Variants in ANO3 observed in about 807,000 individuals in gnomAD.
ANO3 encodes anoctamin 3.
A neutral mutation model predicts 144.8 loss-of-function variants in ANO3; 99 were observed. That is an observed-to-expected ratio of 0.68 (90% confidence interval 0.58 to 0.81). ANO3 has a LOEUF of 0.81. ANO3 is among the 30% of genes least tolerant of loss of function. The pLI is 0.00. For synonymous variants in ANO3, 414 were observed against 392.6 expected (o/e 1.05, Z -0.64); for missense variants, 905 against 1,202.2 (o/e 0.75, Z 3.66).
rs1860007137 is a variant in ANO3 at position 26,476,940 on chromosome 11, A to T, written c.432+13792A>T. ...GTGTGTGTGTGTGTGTGTGAGAGAGAGAGAGAGAGAGACTTTTAATACTGC... is the reference window on the plus strand; with the variant it reads ...GTGTGTGTGTGTGTGTGTGAGAGAGTGAGAGAGAGAGACTTTTAATACTGC... On this transcript the variant is annotated intron_variant, in intron 4 of 26. Transcript: ENST00000256737. Among the ~76,000 whole-genome samples, 7 of 151,236 alleles carry T rather than the reference A, an allele frequency of 4.6e-5. No individual in the cohort carries two copies. The South Asian group carries it at 1.3e-3, about 27-fold the overall frequency.
intron 17 of ANO3, among the ~76,000 whole-genome samples, chr11:26,603,409 A>G (rs1205561820): frequency 6.6e-6 from 1 of 152,020 alleles, no homozygotes; most frequent in Non-Finnish European, 1.5e-5. Context: ...TTAATTTCCA[A>G]TATTCTATTT....
intron 1 of ANO3, among the ~76,000 whole-genome samples, chr11:26,393,247 A>G (rs1018671418): frequency 1.3e-5 from 2 of 152,052 alleles, no homozygotes; most frequent in African/African-American, 4.8e-5. Flanking sequence ...CTTATACCCT[A>G]TACAGTCCTC....
chr11:26,496,108 T>C (rs1471817137), intron 4 of ANO3, among the ~76,000 whole-genome samples: 1 of 152,200 alleles, frequency 6.6e-6, no homozygotes, highest in Non-Finnish European at 1.5e-5. Context: ...TTTTTCCCAT[T>C]CTGTTTTGAC....
At chr11:26,401,429 C>T (rs112083238) in intron 1 of ANO3, among the ~76,000 whole-genome samples, 27 of 152,104 alleles carry the variant, frequency 1.8e-4, no homozygotes, top group South Asian at 1.7e-3. Context: ...AGTTTAAAAT[C>T]GGGGATCTAA....
chr11:26,573,927 GA>G (rs1850920789), intron 14 of ANO3, among the ~76,000 whole-genome samples: 1 of 152,140 alleles, frequency 6.6e-6, no homozygotes, highest in Non-Finnish European at 1.5e-5. Context: ...TTTACTCATG[GA>G]GTTGGAGTTA....
Position 26,394,420 on chromosome 11 carries a change from G to A in ANO3, c.47-47498G>A, listed in dbSNP as rs73443896. On this transcript the variant is annotated intron_variant, in intron 1 of 26. Transcript: ENST00000256737. ...CAGAAAATCCACAAAACTCTAATGC[G>A]GCTAGGATGCTATTAATGATAACTT... is the stretch of plus-strand genomic sequence containing the variant. Among the ~76,000 whole-genome samples, 1,092 of 151,876 alleles carry A rather than the reference G, an allele frequency of 7.2e-3. 14 individuals are homozygous for A. Among genetic ancestry groups the A allele is most frequent in the African/African-American group, 0.025 (1,020 of 41,420 alleles).
chr11:26,415,056 ATGTGTGTGTGTGTGTG>A (rs149901742), intron 1 of ANO3, among the ~76,000 whole-genome samples: 1,930 of 145,568 alleles, frequency 0.013, 32 homozygotes, highest in Middle Eastern at 0.031. Flanking sequence ...ATTGGTGTGT[ATGTGTGTGTGTGTGTG>A]TGTGTGTGTG....
chr11:26,247,288 CT>C (rs568432906), intron 1 of ANO3, among the ~76,000 whole-genome samples: 29 of 152,270 alleles, frequency 1.9e-4, no homozygotes, highest in Admixed American at 9.2e-4. Context: ...ACAGTACTAT[CT>C]TTTTTTCCAA....
intron 17 of ANO3, among the ~76,000 whole-genome samples, chr11:26,614,270 G>A (rs901153360): frequency 6.6e-6 from 1 of 152,174 alleles, no homozygotes; most frequent in African/African-American, 2.4e-5. Flanking sequence ...TGGATGTGAT[G>A]GCTAGCAGGC....
chr11:26,382,420 A>G (rs1251954213), intron 1 of ANO3, among the ~76,000 whole-genome samples: 1 of 152,178 alleles, frequency 6.6e-6, no homozygotes, highest in African/African-American at 2.4e-5. Context: ...CTAACACATT[A>G]TACCTGGCTC....
intron 14 of ANO3, chr11:26,560,168 T>C (rs1023813634): frequency 1.2e-5 from 2 of 172,078 alleles, no homozygotes; most frequent in East Asian, 3.0e-4. Context: ...TTATGGTTCA[T>C]ACATTTAGGG....
intron 1 of ANO3, among the ~76,000 whole-genome samples, chr11:26,354,900 G>A (rs969609934): frequency 6.6e-6 from 1 of 151,306 alleles, no homozygotes; most frequent in Admixed American, 6.6e-5. Context: ...TCTTAAAAAT[G>A]TATTTTATAT....
intron 1 of ANO3, among the ~76,000 whole-genome samples, chr11:26,249,027 T>C (rs1463112644): frequency 6.6e-6 from 1 of 152,168 alleles, no homozygotes; most frequent in Non-Finnish European, 1.5e-5. Context: ...CGGTCCCTGG[T>C]GTCAAAAAGG....
chr11:26,235,594 C>CTTTTTTTT (rs55765741), intron 1 of ANO3, among the ~76,000 whole-genome samples: 1 of 139,714 alleles, frequency 7.2e-6, no homozygotes, highest in African/African-American at 2.7e-5. Flanking sequence ...ACAATGTATA[C>CTTTTTTTT]TTTTTTTTTT....
intron 3 of ANO3, among the ~76,000 whole-genome samples, chr11:26,449,219 T>C (rs1254878874): frequency 6.6e-6 from 1 of 152,188 alleles, no homozygotes. Context: ...TAAGCTAGGT[T>C]CACATCAGAC....
chr11:26,400,945 C>T (rs1218707803), intron 1 of ANO3, among the ~76,000 whole-genome samples: 2 of 151,750 alleles, frequency 1.3e-5, no homozygotes, highest in Non-Finnish European at 2.9e-5. Context: ...CAAGTTGCTT[C>T]CATGAACTAC....
intron 1 of ANO3, among the ~76,000 whole-genome samples, chr11:26,355,474 T>G (rs1262302424): frequency 6.6e-6 from 1 of 152,110 alleles, no homozygotes. Flanking sequence ...TTTTGTTTTT[T>G]CTCTGAAAGA....
chr11:26,437,461 G>A (rs1858335422), intron 1 of ANO3, among the ~76,000 whole-genome samples: 1 of 152,186 alleles, frequency 6.6e-6, no homozygotes, highest in Non-Finnish European at 1.5e-5. Flanking sequence ...GGCTCCCCTG[G>A]CTCTGTGTCA....
At chr11:26,316,986 T>TA (rs1488500290) in intron 1 of ANO3, among the ~76,000 whole-genome samples, 1 of 152,216 alleles carries the variant, frequency 6.6e-6, no homozygotes, top group African/African-American at 2.4e-5. Flanking sequence ...GGGGTCCCCC[T>TA]ACACCTAGTT....
Sources: gnomAD v4.1 joint callset for allele counts (sites outside exome capture counted in the v4.1 genomes callset) on GRCh38, gnomAD v4.1.1 for gene constraint, MANE v1.5 for transcripts, NCBI Gene and HGNC (gene_info 2026-07-23, HGNC 2026-07-21) for gene names.